TANC1: variants seen among roughly 807,000 people sequenced by gnomAD.
TANC1 encodes the protein tetratricopeptide repeat, ankyrin repeat and coiled-coil containing 1, also known as protein TANC1.
TANC1 carries 77 observed loss-of-function variants against 149.7 expected under a neutral mutation model. The observed-to-expected ratio is 0.51, with a 90% CI of 0.43 to 0.62. The LOEUF (loss-of-function observed/expected upper bound fraction) is 0.62, where lower values mean the gene tolerates loss of function less well. TANC1 is among the 20% of genes least tolerant of loss of function. The probability of loss-of-function intolerance (pLI) is 0.00; values close to 1 mark genes in which losing one functional copy is unlikely to be tolerated. For missense variants in TANC1, 1,985 were observed against 2,321.8 expected (o/e 0.85, Z 2.98); for synonymous variants, 854 against 925.0 (o/e 0.92, Z 1.39).
chr2:159,214,304 CT>C (rs1228724553), intron 19 of TANC1, among the ~76,000 whole-genome samples: 2 of 152,230 alleles, frequency 1.3e-5, no homozygotes, highest in African/African-American at 4.8e-5. Context: ...AACTCTTTAG[CT>C]TTCTGCAGGG....
intron 16 of TANC1, among the ~76,000 whole-genome samples, chr2:159,191,023 G>A (rs889794696): frequency 1.3e-5 from 2 of 152,230 alleles, no homozygotes; most frequent in African/African-American, 2.4e-5. Flanking sequence ...GTTAGGACTG[G>A]ACACCCTTTC....
intron 2 of TANC1, among the ~76,000 whole-genome samples, chr2:159,017,005 T>TA (rs2038348642): frequency 6.6e-6 from 1 of 152,016 alleles, no homozygotes; most frequent in Non-Finnish European, 1.5e-5. Flanking sequence ...TTCAGTGATT[T>TA]TAAAAAAATT....
Position 159,217,530 on chromosome 2 carries a change from A to T in TANC1, c.3278A>T (p.Glu1093Val). Residue 1093 changes from glutamate (E) to valine (V), a missense_variant, in exon 20 of 27, where the codon GAG becomes GTG. By Grantham distance (121) the Glu-to-Val change is moderately radical. Around this residue, in one of 3 missense-constraint regions of TANC1, gnomAD observed 920 missense variants for 994.7 expected, o/e 0.92. Coordinates refer to ENST00000263635, the MANE Select transcript of TANC1 (RefSeq NM_033394.3). ...LTAAAGRGKLEVCELLLGHGA... is the reference protein window; with the variant it reads ...LTAAAGRGKLVVCELLLGHGA... ...GCCGCCGCAGGAAGAGGGAAGCTGG[A>T]GGTCTGTGAGCTGCTGCTGGGGCAT... 1 of 1,614,182 alleles carries T rather than the reference A, an allele frequency of 6.2e-7. No individual in the cohort carries two copies. The highest frequency in any genetic ancestry group is 1.1e-5 in the South Asian group (1 of 91,086).
intron 19 of TANC1, among the ~76,000 whole-genome samples, chr2:159,204,317 G>C (rs2150784009): frequency 6.6e-6 from 1 of 152,344 alleles, no homozygotes; most frequent in South Asian, 2.1e-4. Context: ...CCAGTGTCCT[G>C]ATTTCTTGGT....
intron 1 of TANC1, among the ~76,000 whole-genome samples, chr2:158,969,913 G>C (rs1165672463): frequency 1.3e-5 from 2 of 150,216 alleles, no homozygotes; most frequent in Non-Finnish European, 2.9e-5. Flanking sequence ...GAGTTAACTT[G>C]GGAGGTGAGG....
chr2:159,030,616 C>G (rs909093170), intron 2 of TANC1, among the ~76,000 whole-genome samples: 2 of 152,154 alleles, frequency 1.3e-5, no homozygotes, highest in African/African-American at 4.8e-5. Flanking sequence ...CGCCTTAGAA[C>G]TAGTAAAAGA....
intron 2 of TANC1, among the ~76,000 whole-genome samples, chr2:159,062,752 G>A (rs1339695771): frequency 2.0e-5 from 3 of 151,674 alleles, no homozygotes; most frequent in Non-Finnish European, 4.4e-5. Context: ...TGGATCATGA[G>A]GTCAGGAGAT....
chr2:159,034,904 G>A (rs931024954), intron 2 of TANC1, among the ~76,000 whole-genome samples: 1 of 152,194 alleles, frequency 6.6e-6, no homozygotes, highest in South Asian at 2.1e-4. Flanking sequence ...TTGTCACGTT[G>A]TTTAGCCTCT....
chr2:159,071,124 A>G (rs1015326008), intron 3 of TANC1, among the ~76,000 whole-genome samples: 11 of 152,094 alleles, frequency 7.2e-5, no homozygotes, highest in African/African-American at 2.4e-4. Flanking sequence ...CCAGTCTTCA[A>G]TCTGTAGTGT....
At chr2:159,224,476 G>A (rs1475691274) in intron 23 of TANC1, 112 bp downstream of exon 23, 1 of 1,230,740 alleles carries the variant, frequency 8.1e-7, no homozygotes, top group Non-Finnish European at 1.2e-6. Context: ...GATGTCAGAT[G>A]TTTGCAGATC....
At chr2:159,172,424 T>G (rs1327708836) in intron 11 of TANC1, 152 bp downstream of exon 11, 17 of 750,632 alleles carry the variant, frequency 2.3e-5, no homozygotes, top group Non-Finnish European at 3.0e-5. Context: ...GTTCTCCAAG[T>G]AAAAGTGTGA....
intron 3 of TANC1, among the ~76,000 whole-genome samples, chr2:159,092,745 G>T (rs548372650): frequency 2.4e-4 from 37 of 152,312 alleles, no homozygotes; most frequent in African/African-American, 7.7e-4. Flanking sequence ...GTGTATGAGT[G>T]ACAGAGGCTA....
chr2:159,157,529 C>T (rs1003593892), intron 7 of TANC1, among the ~76,000 whole-genome samples: 19 of 152,220 alleles, frequency 1.2e-4, no homozygotes, highest in Non-Finnish European at 2.4e-4. Flanking sequence ...AAGAGGCCTA[C>T]AGACTTCTGC....
intron 12 of TANC1, among the ~76,000 whole-genome samples, 189 bp downstream of exon 12, chr2:159,175,373 C>T (rs1575099228): frequency 1.3e-5 from 2 of 152,208 alleles, no homozygotes; most frequent in Admixed American, 1.3e-4. Context: ...CCTACACCAC[C>T]CCTATGGTAT....
chr2:159,013,689 TC>T (rs756115236), intron 2 of TANC1, among the ~76,000 whole-genome samples: 3 of 152,204 alleles, frequency 2.0e-5, no homozygotes, highest in Non-Finnish European at 4.4e-5. Flanking sequence ...TCTTGTGTCC[TC>T]CTGATAGGAG....
intron 1 of TANC1, among the ~76,000 whole-genome samples, chr2:158,970,644 A>G (rs1393753251): frequency 6.6e-6 from 1 of 152,218 alleles, no homozygotes. Flanking sequence ...ATGTGGCAGT[A>G]AAGGAAGTAT....
chr2:159,012,802 T>A (rs905539357), intron 2 of TANC1, among the ~76,000 whole-genome samples: 3 of 152,172 alleles, frequency 2.0e-5, no homozygotes, highest in Non-Finnish European at 2.9e-5. Flanking sequence ...CTACTTTTTT[T>A]AAAAAAGGGA....
rs148501278 is a variant in TANC1 at position 159,056,501 on chromosome 2, C to T, written c.-15-9395C>T. On this transcript the variant is annotated intron_variant, in intron 2 of 26. Coordinates refer to ENST00000263635, the MANE Select transcript of TANC1 (RefSeq NM_033394.3). The stretch of plus-strand genomic sequence containing the variant: ...TAACTTTTTGTATTTTCAGTAGAGA[C>T]GGGGTTTCGCCGTATTAGCCAGGAT... 3.8e-3 allele frequency: 576 copies of T among 153,506 alleles called. 2 individuals carry two copies. Among genetic ancestry groups the T allele is most frequent in the Non-Finnish European group, 6.6e-3 (458 of 69,024 alleles). The allele number at this position is 153,506 out of a possible 1,614,324, so 9.5% of individuals were successfully genotyped here.
At chr2:159,090,928 A>G (rs1399566890) in intron 3 of TANC1, among the ~76,000 whole-genome samples, 2 of 152,196 alleles carry the variant, frequency 1.3e-5, no homozygotes, top group East Asian at 3.8e-4. Flanking sequence ...ATTAATGATC[A>G]CTGGGCCTGG....
Sources: gnomAD v4.1 joint callset for allele counts (sites outside exome capture counted in the v4.1 genomes callset) on GRCh38, gnomAD v4.1.1 for gene constraint, gnomAD v4.1.1 regional missense constraint, MANE v1.5 for transcripts, NCBI Gene and HGNC (gene_info 2026-07-23, HGNC 2026-07-21) for gene names.